The following UNC5C variants were observed in gnomAD, a reference collection of about 807,000 sequenced individuals.
The protein encoded by UNC5C is netrin receptor UNC5C.
In UNC5C, 47 loss-of-function variants were observed where a neutral mutation model predicts 99.8. The observed-to-expected ratio is 0.47, with a 90% CI of 0.37 to 0.60. UNC5C has a LOEUF of 0.60. Among genes scored for constraint, UNC5C ranks in the 20% least tolerant of loss-of-function variants. The probability of loss-of-function intolerance (pLI) is 0.00; values close to 1 mark genes in which losing one functional copy is unlikely to be tolerated. For synonymous variants in UNC5C, 487 were observed against 452.2 expected (o/e 1.08, Z -0.98); for missense variants, 1,062 against 1,165.9 (o/e 0.91, Z 1.30).
chr4:95,187,391 AAAG>A (rs1219842932), intron 12 of UNC5C, among the ~76,000 whole-genome samples: 1 of 152,208 alleles, frequency 6.6e-6, no homozygotes, highest in Non-Finnish European at 1.5e-5. Context: ...GGGATGTCTA[AAAG>A]AAGATGCATT....
intron 2 of UNC5C, among the ~76,000 whole-genome samples, chr4:95,313,848 C>A (rs115069500): frequency 6.6e-6 from 1 of 152,160 alleles, no homozygotes; most frequent in Non-Finnish European, 1.5e-5. Flanking sequence ...TAACACAAAA[C>A]AACCTAGTGA....
intron 1 of UNC5C, among the ~76,000 whole-genome samples, chr4:95,474,474 G>C (rs1748075964): frequency 6.6e-6 from 1 of 151,992 alleles, no homozygotes; most frequent in Non-Finnish European, 1.5e-5. Context: ...ATTTTTAGTA[G>C]AGATGGGGTT....
At chr4:95,386,495 C>G (rs900440137) in intron 1 of UNC5C, among the ~76,000 whole-genome samples, 1 of 152,138 alleles carries the variant, frequency 6.6e-6, no homozygotes, top group Non-Finnish European at 1.5e-5. Context: ...ATCTTTTGAT[C>G]TGCTCACATA....
intron 1 of UNC5C, among the ~76,000 whole-genome samples, chr4:95,548,070 G>C (rs1269963129): frequency 6.6e-6 from 1 of 152,224 alleles, no homozygotes; most frequent in Non-Finnish European, 1.5e-5. Flanking sequence ...GTGGGAAGCA[G>C]GCATGAAGCG....
At chr4:95,545,631 T>C (rs1020710457) in intron 1 of UNC5C, among the ~76,000 whole-genome samples, 1 of 152,174 alleles carries the variant, frequency 6.6e-6, no homozygotes, top group African/African-American at 2.4e-5. Flanking sequence ...TTGTCCTGAG[T>C]TTGGTGGTGT....
chr4:95,174,963 C>A (rs2149345710), intron 14 of UNC5C, among the ~76,000 whole-genome samples: 1 of 151,368 alleles, frequency 6.6e-6, no homozygotes, highest in African/African-American at 2.4e-5. Context: ...ATAGTTAACT[C>A]TTCTTGTTGA....
chr4:95,390,148 T>C (rs1348311072), intron 1 of UNC5C, among the ~76,000 whole-genome samples: 1 of 152,084 alleles, frequency 6.6e-6, no homozygotes, highest in African/African-American at 2.4e-5. Flanking sequence ...AAGTGCTAAA[T>C]CACCTGAAAT....
At chr4:95,228,195 A>C (rs12513212) in intron 7 of UNC5C, among the ~76,000 whole-genome samples, 75,822 of 151,996 alleles carry the variant, frequency 0.5, 19,848 homozygotes, top group East Asian at 0.72. Flanking sequence ...TGCCAGAAAC[A>C]AAATGTAAAT....
intron 3 of UNC5C, among the ~76,000 whole-genome samples, chr4:95,279,472 C>A (rs1361192412): frequency 1.3e-5 from 2 of 152,174 alleles, no homozygotes; most frequent in Admixed American, 6.5e-5. Context: ...TAAATCATCC[C>A]TGAATACCAT....
chr4:95,504,865 GGT>G (rs1721873585), intron 1 of UNC5C, among the ~76,000 whole-genome samples: 1 of 151,756 alleles, frequency 6.6e-6, no homozygotes, highest in African/African-American at 2.4e-5. Context: ...TAAATTTGGG[GGT>G]GGTCTGTTTT....
chr4:95,424,672 C>T (rs1746424149), intron 1 of UNC5C, among the ~76,000 whole-genome samples: 1 of 151,360 alleles, frequency 6.6e-6, no homozygotes, highest in African/African-American at 2.4e-5. Context: ...CAGGTGCCCC[C>T]CACCACGCCC....
chr4:95,420,854 A>G (rs1746298932), intron 1 of UNC5C, among the ~76,000 whole-genome samples: 1 of 152,172 alleles, frequency 6.6e-6, no homozygotes, highest in Non-Finnish European at 1.5e-5. Flanking sequence ...AGTTTCCACT[A>G]AATAAGGACA....
intron 3 of UNC5C, among the ~76,000 whole-genome samples, chr4:95,295,172 G>C (rs1416088085): frequency 1.3e-5 from 2 of 152,176 alleles, no homozygotes; most frequent in African/African-American, 4.8e-5. Context: ...TGAACCTTAA[G>C]CTTTGGGATT....
At chr4:95,419,854 T>A (rs766262231) in intron 1 of UNC5C, among the ~76,000 whole-genome samples, 33 of 152,002 alleles carry the variant, frequency 2.2e-4, no homozygotes, top group Non-Finnish European at 4.1e-4. Flanking sequence ...AAACAAAGGA[T>A]CATTGGCCTC....
In UNC5C at chr4:95,442,180, C is replaced by T. The variant is rs1746967410; in HGVS notation, c.125-106549G>A. 2.0e-5 allele frequency among the ~76,000 whole-genome samples: 3 copies of T among 151,840 alleles called. 1 individual carries two copies. The highest frequency in any genetic ancestry group is 4.2e-4 in the South Asian group (2 of 4,794). The stretch of plus-strand genomic sequence containing the variant: ...CAAGACTTTCAAAGTCTTGAAGGAC[C>T]CTACTGTTTTTTGATTGTTTGTTTA... On this transcript the variant is annotated intron_variant, in intron 1 of 15. Coordinates refer to ENST00000453304, the MANE Select transcript of UNC5C (RefSeq NM_003728.4).
chr4:95,454,206 C>T (rs1319300364), intron 1 of UNC5C, among the ~76,000 whole-genome samples: 1 of 152,074 alleles, frequency 6.6e-6, no homozygotes. Context: ...TCATTTGATA[C>T]TTTGTGGCAG....
At chr4:95,463,261 G>T (rs1188112051) in intron 1 of UNC5C, among the ~76,000 whole-genome samples, 1 of 152,188 alleles carries the variant, frequency 6.6e-6, no homozygotes, top group Non-Finnish European at 1.5e-5. Flanking sequence ...CGCTGAATAT[G>T]TGGACACATC....
chr4:95,534,089 C>T (rs1472230937), intron 1 of UNC5C, among the ~76,000 whole-genome samples: 3 of 152,150 alleles, frequency 2.0e-5, no homozygotes, highest in Non-Finnish European at 4.4e-5. Context: ...GTGGAACGTT[C>T]CCTACAGCAC....
chr4:95,450,231 A>T (rs1193993756), intron 1 of UNC5C, among the ~76,000 whole-genome samples: 1 of 152,202 alleles, frequency 6.6e-6, no homozygotes, highest in African/African-American at 2.4e-5. Flanking sequence ...ACCCCCTTGA[A>T]GATGGGATCT....
Sources: gnomAD v4.1 joint callset for allele counts (sites outside exome capture counted in the v4.1 genomes callset) on GRCh38, gnomAD v4.1.1 for gene constraint, MANE v1.5 for transcripts, NCBI Gene and HGNC (gene_info 2026-07-23, HGNC 2026-07-21) for gene names.